SERGEF: variants seen among roughly 807,000 people sequenced by gnomAD.
SERGEF encodes secretion regulating guanine nucleotide exchange factor.
A neutral mutation model predicts 50.0 loss-of-function variants in SERGEF; 51 were observed. The observed-to-expected ratio is 1.02, with a 90% CI of 0.81 to 1.29. The LOEUF is 1.29. Ranked by LOEUF, SERGEF falls within the 50% of genes most tolerant of loss-of-function variation. The pLI, the probability that SERGEF is intolerant of heterozygous loss-of-function variation, is 0.00. For missense variants in SERGEF, 521 were observed against 557.0 expected, an observed-to-expected ratio of 0.94 and a Z score of 0.65; for synonymous variants, 205 against 212.4, an observed-to-expected ratio of 0.97 and a Z score of 0.30.
At chr11:17,862,767 G>C (rs1850949012) in intron 10 of SERGEF, among the ~76,000 whole-genome samples, 1 of 152,190 alleles carries the variant, frequency 6.6e-6, no homozygotes, top group South Asian at 2.1e-4. Flanking sequence ...CAGGAAGCTA[G>C]TGCCTGTCTA....
intron 9 of SERGEF, among the ~76,000 whole-genome samples, chr11:17,917,092 T>C (rs965800824): frequency 6.6e-6 from 1 of 152,196 alleles, no homozygotes; most frequent in African/African-American, 2.4e-5. Context: ...AAAGAAGTCA[T>C]TATACAAAAA....
At chr11:17,869,406 G>C (rs368075771) in intron 10 of SERGEF, among the ~76,000 whole-genome samples, 25 of 152,188 alleles carry the variant, frequency 1.6e-4, no homozygotes, top group African/African-American at 2.9e-4. Context: ...AATATAAAAG[G>C]CTGTCTTAGT....
intron 8 of SERGEF, among the ~76,000 whole-genome samples, chr11:17,964,583 T>C (rs1010911194): frequency 6.6e-6 from 1 of 152,184 alleles, no homozygotes; most frequent in African/African-American, 2.4e-5. Flanking sequence ...AGGTGGATGT[T>C]ATAAAAAGAA....
rs188317792 is a variant in SERGEF at position 17,972,079 on chromosome 11, T to G, written c.845-12443A>C. ...AATCTCATGATCAAACTTGTAGGGTTGAGGAGTTGCTTCTTATGGATGGCA... is the reference window on the plus strand; with the variant it reads ...AATCTCATGATCAAACTTGTAGGGTGGAGGAGTTGCTTCTTATGGATGGCA... On this transcript the variant is annotated intron_variant, in intron 8 of 10. Coordinates refer to ENST00000265965, the MANE Select transcript of SERGEF (RefSeq NM_012139.4). 1.2e-3 allele frequency among the ~76,000 whole-genome samples: 177 copies of G among 152,356 alleles called. 2 individuals are homozygous for G. The highest frequency in any genetic ancestry group is 6.8e-3 in the Middle Eastern group (2 of 294).
intron 3 of SERGEF, among the ~76,000 whole-genome samples, chr11:18,006,085 G>A (rs139720253): frequency 1.2e-3 from 185 of 152,314 alleles, no homozygotes; most frequent in African/African-American, 3.5e-3. Flanking sequence ...CTCCTTTACC[G>A]TTAAACTCTC....
intron 10 of SERGEF, among the ~76,000 whole-genome samples, chr11:17,866,063 A>C (rs1281570830): frequency 6.6e-6 from 1 of 152,240 alleles, no homozygotes; most frequent in African/African-American, 2.4e-5. Context: ...ACTGGTAACC[A>C]ATAGAACTAA....
chr11:17,878,562 G>A (rs905502395), intron 9 of SERGEF, among the ~76,000 whole-genome samples: 4 of 152,168 alleles, frequency 2.6e-5, no homozygotes, highest in Admixed American at 2.6e-4. Context: ...ATGAGCATAT[G>A]TTACTGTAAA....
At chr11:17,988,820 C>T (rs1853651382) in intron 7 of SERGEF, 65 bp from the exon 8 acceptor site, 1 of 1,498,036 alleles carries the variant, frequency 6.7e-7, no homozygotes, top group Non-Finnish European at 9.1e-7. Context: ...TGGAAAATAA[C>T]AGAAGTCTAA....
At chr11:17,878,313 C>A (rs1851277037) in intron 9 of SERGEF, 69 bp from the exon 10 acceptor site, 1 of 1,262,332 alleles carries the variant, frequency 7.9e-7, no homozygotes, top group South Asian at 1.4e-5. Context: ...AATCATAGTT[C>A]TTTTCTAATG....
chr11:17,960,110 G>A (rs1164490382), intron 8 of SERGEF, among the ~76,000 whole-genome samples: 1 of 152,092 alleles, frequency 6.6e-6, no homozygotes, highest in African/African-American at 2.4e-5. Context: ...CTCAATGAAT[G>A]GCCAGCTTCA....
chr11:18,012,895 TC>T, intron 1 of SERGEF, 55 bp downstream of exon 1: 1 of 1,533,332 alleles, frequency 6.5e-7, no homozygotes. Flanking sequence ...GGCCAGCAGC[TC>T]CCACATCTCG....
rs145313853 is a variant in SERGEF, at chr11:17,848,386, T to C, written c.1048+29822A>G. Among the ~76,000 whole-genome samples the C allele has an allele frequency of 6.5e-3, 992 of 152,266 alleles. 12 individuals are homozygous for C. The highest frequency in any genetic ancestry group is 0.029 in the South Asian group (141 of 4,820). On this transcript the variant is annotated intron_variant, in intron 10 of 10. Transcript: ENST00000265965. ...CCAGACATACAAAAGCATACAGGGA[T>C]GAAAGGTATTTGTTAGGAAAATGTC...
chr11:17,995,409 G>T (rs1030938143), intron 6 of SERGEF, among the ~76,000 whole-genome samples: 2 of 152,188 alleles, frequency 1.3e-5, no homozygotes, highest in Non-Finnish European at 2.9e-5. Flanking sequence ...AAGTTTAGTA[G>T]GGCCAACTCT....
In SERGEF at chr11:17,951,262, C is replaced by G. The variant is rs146707711; in HGVS notation, c.1011+8208G>C. 8.2e-3 allele frequency among the ~76,000 whole-genome samples: 1,253 copies of G among 152,316 alleles called. 6 individuals carry two copies. Among genetic ancestry groups the G allele is most frequent in the Middle Eastern group, 0.024 (7 of 294 alleles). ...TTTTTTGTACATGTACAGCACATTA[C>G]AGTCTACAAACGCCCTTATATATAC... On this transcript the variant is annotated intron_variant, in intron 9 of 10. Coordinates refer to ENST00000265965, the MANE Select transcript of SERGEF (RefSeq NM_012139.4).
At chr11:17,886,426 A>G (rs1395352575) in intron 9 of SERGEF, among the ~76,000 whole-genome samples, 1 of 152,070 alleles carries the variant, frequency 6.6e-6, no homozygotes, top group Non-Finnish European at 1.5e-5. Context: ...CCTGGGCAAC[A>G]TGGCGAAACC....
chr11:17,869,963 C>A (rs1449680418), intron 10 of SERGEF, among the ~76,000 whole-genome samples: 1 of 152,138 alleles, frequency 6.6e-6, no homozygotes, highest in East Asian at 1.9e-4. Context: ...AATTGTAATA[C>A]CCATAATCCC....
intron 10 of SERGEF, among the ~76,000 whole-genome samples, chr11:17,843,596 C>T (rs944816898): frequency 6.6e-6 from 1 of 152,162 alleles, no homozygotes; most frequent in Non-Finnish European, 1.5e-5. Context: ...TCTATAATGA[C>T]TGAGGATGCA....
chr11:17,909,134 T>C (rs545594036), intron 9 of SERGEF, among the ~76,000 whole-genome samples: 2 of 152,318 alleles, frequency 1.3e-5, no homozygotes, highest in Non-Finnish European at 2.9e-5. Flanking sequence ...TGGAGTTAGG[T>C]AGCTCCACCA....
At chr11:17,843,628 T>G (rs1419364088) in intron 10 of SERGEF, among the ~76,000 whole-genome samples, 2 of 152,188 alleles carry the variant, frequency 1.3e-5, no homozygotes, top group East Asian at 1.9e-4. Flanking sequence ...GGACATTACT[T>G]GGATGTGTAT....
Sources: gnomAD v4.1 joint callset for allele counts (sites outside exome capture counted in the v4.1 genomes callset) on GRCh38, gnomAD v4.1.1 for gene constraint, MANE v1.5 for transcripts, NCBI Gene and HGNC (gene_info 2026-07-23, HGNC 2026-07-21) for gene names.